The following ADCY1 variants were observed in gnomAD, a reference collection of about 807,000 sequenced individuals.
The protein encoded by ADCY1 is adenylate cyclase type 1.
Under a neutral mutation model 105.4 loss-of-function variants are expected in ADCY1, and 28 were observed. The ratio of observed to expected loss-of-function variants is 0.27; its 90% CI spans 0.20 to 0.36. ADCY1 has a LOEUF of 0.36. Ranked by LOEUF, ADCY1 falls within the 10% of genes least tolerant of loss-of-function variation. The probability of loss-of-function intolerance (pLI) is 1.00; values close to 1 mark genes in which losing one functional copy is unlikely to be tolerated. For missense variants in ADCY1, 977 were observed against 1,434.2 expected (o/e 0.68, Z 5.15); for synonymous variants, 655 against 623.8 (o/e 1.05, Z -0.75).
intron 5 of ADCY1, 29 bp from the exon 6 acceptor site, chr7:45,657,696 CCT>C (rs780811599): frequency 9.9e-5 from 158 of 1,598,734 alleles, no homozygotes; most frequent in Non-Finnish European, 1.2e-4. Context: ...CAAGGTGGGC[CCT>C]AGCCCCACGC....
chr7:45,692,270 G>A (rs1386187523), intron 14 of ADCY1, among the ~76,000 whole-genome samples: 1 of 152,214 alleles, frequency 6.6e-6, no homozygotes, highest in Non-Finnish European at 1.5e-5. Flanking sequence ...TACACACAAA[G>A]TGTTACCACC....
intron 1 of ADCY1, among the ~76,000 whole-genome samples, chr7:45,577,399 C>T (rs959366766): frequency 3.3e-5 from 5 of 152,176 alleles, no homozygotes; most frequent in Non-Finnish European, 5.9e-5. Context: ...AGATGATTCC[C>T]AGGGATTCTG....
In ADCY1 at chr7:45,703,684, G is replaced by C; in HGVS notation, c.2656G>C (p.Gly886Arg). 1 of 1,612,466 alleles carries C rather than the reference G, an allele frequency of 6.2e-7. No individual in the cohort carries two copies. Among genetic ancestry groups the C allele is most frequent in the Non-Finnish European group, 8.5e-7 (1 of 1,179,144 alleles). ...NFNDFYIELD[G>R]NNMGVECLRL... The stretch of plus-strand genomic sequence containing the variant: ...CAATGACTTCTACATCGAGCTGGAC[G>C]GCAACAACATGGGGGTGGAGTGTCT... Residue 886 changes from glycine to arginine, a missense_variant, in exon 16 of 20, where the codon GGC becomes CGC. Around this residue, in one of 7 missense-constraint regions of ADCY1, gnomAD observed 152 missense variants for 293.7 expected, o/e 0.52. Transcript: ENST00000297323. The surrounding 1 kb of genome is among the most constrained non-coding windows in gnomAD (Gnocchi z 5.9).
intron 3 of ADCY1, among the ~76,000 whole-genome samples, chr7:45,621,188 C>G (rs1793878728): frequency 6.6e-6 from 1 of 152,180 alleles, no homozygotes; most frequent in South Asian, 2.1e-4. Flanking sequence ...ACCTCAGCCT[C>G]CCAAGTAGCT....
intron 3 of ADCY1, among the ~76,000 whole-genome samples, chr7:45,616,504 AG>A (rs1301555662): frequency 1.3e-5 from 2 of 152,258 alleles, no homozygotes; most frequent in African/African-American, 2.4e-5. Flanking sequence ...ATGCAAGGAT[AG>A]TTCAACATGC....
At chr7:45,633,401 T>G (rs1338111742) in intron 4 of ADCY1, among the ~76,000 whole-genome samples, 1 of 152,224 alleles carries the variant, frequency 6.6e-6, no homozygotes, top group Non-Finnish European at 1.5e-5. Context: ...ACAGATGAAC[T>G]GCGTAGCCTA....
intron 2 of ADCY1, among the ~76,000 whole-genome samples, chr7:45,609,219 G>A (rs1197990500): frequency 6.6e-6 from 1 of 152,200 alleles, no homozygotes; most frequent in Non-Finnish European, 1.5e-5. Context: ...AGGTGTCTGG[G>A]CACCTGTGCT....
At chr7:45,650,566 C>A (rs1054542622) in intron 5 of ADCY1, among the ~76,000 whole-genome samples, 1 of 152,092 alleles carries the variant, frequency 6.6e-6, no homozygotes, top group Non-Finnish European at 1.5e-5. Context: ...CCAGGTGGCT[C>A]GTGGAGCTGA....
Position 45,708,004 on chromosome 7 carries a change from C to T in ADCY1, c.2818-346C>T, listed in dbSNP as rs922575534. 5.3e-5 allele frequency among the ~76,000 whole-genome samples: 8 copies of T among 152,216 alleles called. No individual in the cohort carries two copies. Among genetic ancestry groups the T allele is most frequent in the African/African-American group, 1.7e-4 (7 of 41,456 alleles). ...AGGAGGGAAATTGCCTACTCCCTGG[C>T]ATGCATCTCTGTCCTTGTTTTGCTC... On this transcript the variant is annotated intron_variant, in intron 17 of 19. Coordinates refer to ENST00000297323, the MANE Select transcript of ADCY1 (RefSeq NM_021116.4). This position sits in a 1 kb window ranked among gnomAD's most constrained non-coding sequence, Gnocchi z 4.7.
intron 1 of ADCY1, among the ~76,000 whole-genome samples, chr7:45,579,952 CT>C (rs1792478197): frequency 1.3e-5 from 2 of 149,160 alleles, no homozygotes; most frequent in African/African-American, 2.5e-5. Context: ...CCGTCCCCCC[CT>C]TCCCCCTTCC....
chr7:45,624,074 G>A (rs941084363), intron 4 of ADCY1, among the ~76,000 whole-genome samples: 1 of 152,232 alleles, frequency 6.6e-6, no homozygotes, highest in Non-Finnish European at 1.5e-5. Flanking sequence ...GAAGGTGACA[G>A]TGAAGAGTCT....
chr7:45,621,770 A>G (rs764140506), intron 3 of ADCY1, among the ~76,000 whole-genome samples: 6 of 152,192 alleles, frequency 3.9e-5, no homozygotes, highest in Non-Finnish European at 4.4e-5. Flanking sequence ...TTCTGGGTTC[A>G]GGAAGCCTCA....
In ADCY1 at chr7:45,656,171, T is replaced by C. The variant is rs200145783; in HGVS notation, c.1149-1556T>C. ...AATAAAAATTAGCTGGGCATGGTGGTGGGCGCCTGTAGTCCCAGCTACTCG... is the reference window on the plus strand; with the variant it reads ...AATAAAAATTAGCTGGGCATGGTGGCGGGCGCCTGTAGTCCCAGCTACTCG... On this transcript the variant is annotated intron_variant, in intron 5 of 19. Coordinates refer to ENST00000297323, the MANE Select transcript of ADCY1 (RefSeq NM_021116.4). Among the ~76,000 whole-genome samples, 27 of 151,412 alleles carry C rather than the reference T, an allele frequency of 1.8e-4. No homozygotes were observed. The East Asian group carries it at 2.5e-3, about 14-fold the overall frequency.
intron 3 of ADCY1, among the ~76,000 whole-genome samples, chr7:45,610,882 A>AAG (rs1793553100): frequency 2.2e-5 from 3 of 135,810 alleles, no homozygotes; most frequent in Admixed American, 7.6e-5. Flanking sequence ...GGAGGTGGGA[A>AAG]GGTGATGGTG....
Position 45,708,444 on chromosome 7 carries a change from A to G in ADCY1, c.2912A>G (p.Asn971Ser), listed in dbSNP as rs961354574. ...GATGAAATCAACTACCAGTCTTACA[A>G]CGACTTTGTCCTCCGAGTTGGTATG... ...VLDEINYQSY[N>S]DFVLRVGINV... The change falls in exon 18 of 20, where the codon AAC becomes AGC. Residue 971 changes from asparagine to serine, a missense_variant. Asn to Ser is a conservative substitution (Grantham distance 46). This residue lies in a region of ADCY1 where 152 missense variants were observed against 293.7 expected (regional missense o/e 0.52). Transcript: ENST00000297323. This position sits in a 1 kb window ranked among gnomAD's most constrained non-coding sequence, Gnocchi z 4.7. 1.2e-6 allele frequency: 2 copies of G among 1,613,894 alleles called. No homozygotes were observed. Among genetic ancestry groups the G allele is most frequent in the African/African-American group, 2.7e-5 (2 of 74,930 alleles).
intron 14 of ADCY1, among the ~76,000 whole-genome samples, chr7:45,697,994 C>T (rs1784918601): frequency 1.3e-5 from 2 of 152,202 alleles, no homozygotes; most frequent in South Asian, 2.1e-4. Context: ...CCAGCTATGA[C>T]ATCACCACAG....
chr7:45,653,916 G>T (rs988384538), intron 5 of ADCY1, among the ~76,000 whole-genome samples: 2 of 152,158 alleles, frequency 1.3e-5, no homozygotes, highest in Admixed American at 1.3e-4. Flanking sequence ...GAGTGGGCTG[G>T]GGGGCTTCTG....
At chr7:45,673,914 A>G (rs1175111215) in intron 8 of ADCY1, among the ~76,000 whole-genome samples, 1 of 136,108 alleles carries the variant, frequency 7.3e-6, no homozygotes, top group African/African-American at 2.7e-5. Flanking sequence ...ACCTTTCAGC[A>G]CTGCTTTAGC....
intron 14 of ADCY1, among the ~76,000 whole-genome samples, chr7:45,691,508 A>G (rs1361395050): frequency 6.6e-6 from 1 of 152,206 alleles, no homozygotes; most frequent in African/African-American, 2.4e-5. Flanking sequence ...ATTTACAGAG[A>G]CTGGATTGAT....
Sources: gnomAD v4.1 joint callset for allele counts (sites outside exome capture counted in the v4.1 genomes callset) on GRCh38, gnomAD v4.1.1 for gene constraint, gnomAD v4.1.1 regional missense constraint, Gnocchi (gnomAD v3.1) non-coding constraint, MANE v1.5 for transcripts, NCBI Gene and HGNC (gene_info 2026-07-23, HGNC 2026-07-21) for gene names.